Variants in CTIF observed in about 807,000 individuals in gnomAD.
CTIF encodes the protein CBP80/20-dependent translation initiation factor.
Under a neutral mutation model 66.0 loss-of-function variants are expected in CTIF, and 21 were observed. The ratio of observed to expected loss-of-function variants is 0.32; its 90% CI spans 0.23 to 0.46. The LOEUF (loss-of-function observed/expected upper bound fraction) is 0.46. Among genes scored for constraint, CTIF ranks in the 20% least tolerant of loss-of-function variants. The pLI is 1.00. For synonymous variants in CTIF, 345 were observed against 326.4 expected (o/e 1.06, Z -0.62); for missense variants, 739 against 812.7 (o/e 0.91, Z 1.10).
Position 48,682,778 on chromosome 18 carries a change from C to T in CTIF, c.507+12034C>T, listed in dbSNP as rs533116359. Among the ~76,000 whole-genome samples, 21 of 152,380 alleles carry T rather than the reference C, an allele frequency of 1.4e-4. 1 individual carries two copies. In the South Asian group the frequency reaches 4.1e-3, roughly 30 times the overall value. ...TCCAGCAACTGCTCCTGTCACTGGT[C>T]ATGCCTCAGAGGACCCCTGGGTCCC... On this transcript the variant is annotated intron_variant, in intron 6 of 11. Transcript: ENST00000256413.
At chr18:48,842,379 T>C (rs2068965384) in intron 10 of CTIF, among the ~76,000 whole-genome samples, 1 of 152,080 alleles carries the variant, frequency 6.6e-6, no homozygotes, top group Admixed American at 6.5e-5. Context: ...TCCCGTTTCA[T>C]AGAACGCAGG....
At position 48,797,493 on chromosome 18, in the gene CTIF, G is replaced by GGC. The variant is rs68071214; in HGVS notation, c.1372-19727_1372-19726insCG. 1.5e-3 allele frequency among the ~76,000 whole-genome samples: 168 copies of GGC among 110,376 alleles called. 3 individuals carry two copies. The highest frequency in any genetic ancestry group is 7.4e-4 in the Non-Finnish European group (38 of 51,032). 72.4% of individuals were successfully genotyped at this position (110,376 alleles called of 152,430 possible). On this transcript the variant is annotated intron_variant, in intron 9 of 11. Transcript: ENST00000256413. Reference sequence around the variant, plus strand: ...GCAAGACTCCATCCAAAAAAGAAAAGGGGTGGGGGGGCAAGTTTCTGAGTT... The same window carrying GGC: ...GCAAGACTCCATCCAAAAAAGAAAAGGCGGGTGGGGGGGCAAGTTTCTGAGTT...
chr18:48,551,277 T>A (rs545672121), intron 1 of CTIF, among the ~76,000 whole-genome samples: 23 of 151,988 alleles, frequency 1.5e-4, no homozygotes, highest in African/African-American at 5.3e-4. Context: ...GATCTTGGAC[T>A]TCCAGTCTCC....
At chr18:48,710,623 T>G (rs1253956741) in intron 6 of CTIF, among the ~76,000 whole-genome samples, 2 of 152,234 alleles carry the variant, frequency 1.3e-5, no homozygotes, top group Non-Finnish European at 2.9e-5. Context: ...GCTCTGCCTG[T>G]GATCCTGCAT....
chr18:48,751,808 C>G (rs1907843415), intron 7 of CTIF, among the ~76,000 whole-genome samples: 1 of 152,226 alleles, frequency 6.6e-6, no homozygotes, highest in Non-Finnish European at 1.5e-5. Context: ...CCCAACTTCT[C>G]TCAGAGGGCT....
intron 2 of CTIF, among the ~76,000 whole-genome samples, chr18:48,620,227 G>C (rs1023861343): frequency 6.6e-6 from 1 of 152,190 alleles, no homozygotes; most frequent in Non-Finnish European, 1.5e-5. Flanking sequence ...TTCTCACCCA[G>C]GGCTCTGTAT....
intron 6 of CTIF, among the ~76,000 whole-genome samples, chr18:48,699,766 C>T (rs780812797): frequency 6.6e-6 from 1 of 152,200 alleles, no homozygotes; most frequent in African/African-American, 2.4e-5. Context: ...CTCTGATATG[C>T]GTATGCTTCT....
chr18:48,806,698 C>G (rs1462904322), intron 9 of CTIF, among the ~76,000 whole-genome samples: 1 of 152,172 alleles, frequency 6.6e-6, no homozygotes, highest in Non-Finnish European at 1.5e-5. Context: ...GTGTTTTTTC[C>G]CCTTTGCCTG....
At chr18:48,578,027 A>C (rs1363361417) in intron 1 of CTIF, among the ~76,000 whole-genome samples, 1 of 152,156 alleles carries the variant, frequency 6.6e-6, no homozygotes, top group Non-Finnish European at 1.5e-5. Flanking sequence ...TGCTTTCTCT[A>C]TAGATTTGTC....
chr18:48,828,853 C>A (rs1185380375), intron 10 of CTIF, among the ~76,000 whole-genome samples: 1 of 152,214 alleles, frequency 6.6e-6, no homozygotes, highest in Non-Finnish European at 1.5e-5. Flanking sequence ...GGGAGGGGCA[C>A]CTTCCCAGCC....
intron 9 of CTIF, among the ~76,000 whole-genome samples, chr18:48,796,579 G>A (rs904433581): frequency 1.1e-4 from 16 of 152,162 alleles, no homozygotes; most frequent in African/African-American, 3.9e-4. Flanking sequence ...GAGATGGTGA[G>A]AACAGAAAGT....
chr18:48,664,082 C>G (rs1181090337), intron 4 of CTIF, among the ~76,000 whole-genome samples: 1 of 152,200 alleles, frequency 6.6e-6, no homozygotes, highest in Non-Finnish European at 1.5e-5. Context: ...CCTGCCTCAT[C>G]TACCTCAGGG....
intron 1 of CTIF, among the ~76,000 whole-genome samples, chr18:48,541,352 C>G (rs1300218109): frequency 1.3e-5 from 2 of 151,996 alleles, no homozygotes; most frequent in South Asian, 2.1e-4. Context: ...CTAGAGCCTC[C>G]GTAGGGCGAA....
chr18:48,730,765 CCACGA>C (rs2092449665), intron 7 of CTIF, among the ~76,000 whole-genome samples: 1 of 135,776 alleles, frequency 7.4e-6, no homozygotes, highest in African/African-American at 2.8e-5. Flanking sequence ...TGAGGGGCCC[CCACGA>C]TGAACGCAGT....
chr18:48,820,154 G>C (rs79060765), intron 10 of CTIF, among the ~76,000 whole-genome samples: 31 of 152,272 alleles, frequency 2.0e-4, no homozygotes, highest in African/African-American at 7.2e-4. Flanking sequence ...CTCCAGGTAG[G>C]GCTCTTTCCA....
At chr18:48,710,297 C>T (rs1372590550) in intron 6 of CTIF, among the ~76,000 whole-genome samples, 1 of 152,226 alleles carries the variant, frequency 6.6e-6, no homozygotes, top group Non-Finnish European at 1.5e-5. Context: ...TGACTGCTCT[C>T]CAGCAGCCTG....
At chr18:48,615,880 G>C (rs1396128891) in intron 1 of CTIF, among the ~76,000 whole-genome samples, 2 of 152,242 alleles carry the variant, frequency 1.3e-5, no homozygotes, top group African/African-American at 4.8e-5. Context: ...GAGGACACAA[G>C]AGGCACCCGC....
chr18:48,658,988 G>A (rs2091292717), intron 3 of CTIF, among the ~76,000 whole-genome samples: 1 of 152,148 alleles, frequency 6.6e-6, no homozygotes, highest in South Asian at 2.1e-4. Context: ...CACCACCTCA[G>A]CATCAAGGGA....
At chr18:48,591,611 G>A (rs1312289426) in intron 1 of CTIF, among the ~76,000 whole-genome samples, 1 of 152,216 alleles carries the variant, frequency 6.6e-6, no homozygotes, top group Non-Finnish European at 1.5e-5. Context: ...TCATTGTGGT[G>A]CGCATTTCCT....
Sources: allele counts gnomAD v4.1 joint callset (sites outside exome capture counted in the v4.1 genomes callset), GRCh38; gene constraint gnomAD v4.1.1; transcripts MANE v1.5; gene names NCBI Gene and HGNC (gene_info 2026-07-23, HGNC 2026-07-21).